Variants in INTS8 observed in about 807,000 individuals in gnomAD.
The protein encoded by INTS8 is protein kaonashi-1.
INTS8 carries 47 observed loss-of-function variants against 138.9 expected under a neutral mutation model. The observed-to-expected ratio is 0.34, with a 90% CI of 0.27 to 0.43. The LOEUF (loss-of-function observed/expected upper bound fraction) is 0.43. INTS8 is among the 20% of genes least tolerant of loss of function. The probability of loss-of-function intolerance (pLI) is 1.00; values close to 1 mark genes in which losing one functional copy is unlikely to be tolerated. For synonymous variants in INTS8, 392 were observed against 400.9 expected (o/e 0.98, Z 0.27); for missense variants, 996 against 1,173.0 (o/e 0.85, Z 2.20).
intron 26 of INTS8, among the ~76,000 whole-genome samples, chr8:94,878,201 G>T (rs1465019170): frequency 6.6e-6 from 1 of 152,108 alleles, no homozygotes; most frequent in East Asian, 1.9e-4. Flanking sequence ...TGCCAAACAA[G>T]TCTCCAACCC....
At chr8:94,831,410 C>A (rs1387651021) in intron 5 of INTS8, among the ~76,000 whole-genome samples, 1 of 151,506 alleles carries the variant, frequency 6.6e-6, no homozygotes, top group Non-Finnish European at 1.5e-5. Flanking sequence ...GAGCCACTGC[C>A]CCTGGCCTAA....
Position 94,867,155 on chromosome 8 carries a change from AC to A in INTS8, c.2312del (p.Thr771IlefsTer8). On this transcript the variant is annotated frameshift_variant, in exon 19 of 27. Coordinates refer to ENST00000523731, the MANE Select transcript of INTS8 (RefSeq NM_017864.4). LOFTEE classifies it high-confidence loss of function. Reference protein sequence around the residue: ...IKKLREPLVLTIILSLFVKLH... With the variant: ...IKKLREPLVLXIILSLFVKLH... ...TTTCTCATAGGAACCACTCGTTTTG[AC>A]TATTATTTTATCACTCTTTGTGAAA... 6.2e-7 allele frequency: 1 copy of A among 1,609,006 alleles called. No individual in the cohort carries two copies. The highest frequency in any genetic ancestry group is 8.5e-7 in the Non-Finnish European group (1 of 1,176,810).
At position 94,881,222 on chromosome 8, in the gene INTS8, A is replaced by T; in HGVS notation, c.*988A>T. 2.7e-6 allele frequency: 1 copy of T among 366,244 alleles called. No individual in the cohort carries two copies. The highest frequency in any genetic ancestry group is 4.0e-5 in the East Asian group (1 of 24,994). The allele number at this position is 366,244 out of a possible 1,614,324, so 22.7% of individuals were successfully genotyped here. On this transcript the variant is annotated 3_prime_UTR_variant, in exon 27 of 27. Transcript: ENST00000523731. The stretch of plus-strand genomic sequence containing the variant: ...AGAGTGTAGGAATTTTGAGAATCTA[A>T]CAACTAGATTCAAAGTACTGTATCA...
chr8:94,865,339 A>G (rs572343665), intron 16 of INTS8, among the ~76,000 whole-genome samples, 167 bp from the exon 17 acceptor site: 26 of 152,224 alleles, frequency 1.7e-4, no homozygotes, highest in Non-Finnish European at 2.9e-4. Flanking sequence ...TCAGTACGCA[A>G]TGAGCCCTAA....
At chr8:94,860,601 A>C (rs1177487758) in intron 16 of INTS8, among the ~76,000 whole-genome samples, 3 of 150,932 alleles carry the variant, frequency 2.0e-5, no homozygotes, top group Admixed American at 1.3e-4. Context: ...AAAAAAAAAA[A>C]AAACCCAAAA....
Position 94,866,340 on chromosome 8 carries a change from T to G in INTS8, c.2295+149T>G, listed in dbSNP as rs1398774778. 3 of 630,978 alleles carry G rather than the reference T, an allele frequency of 4.8e-6. No individual in the cohort carries two copies. The African/African-American group carries it at 5.4e-5, about 11-fold the overall frequency. The allele number at this position is 630,978 out of a possible 1,614,324, so 39.1% of individuals were successfully genotyped here. ...CAGGGTCTTGATCTGTCACCCAAGC[T>G]GGAGTGCTGAGGTGTGATTGTAACT... On this transcript the variant is annotated intron_variant, in intron 18 of 26. Transcript: ENST00000523731.
chr8:94,869,621 T>C (rs1816316241), intron 20 of INTS8, among the ~76,000 whole-genome samples: 1 of 152,066 alleles, frequency 6.6e-6, no homozygotes, highest in African/African-American at 2.4e-5. Flanking sequence ...GCCTCCTGAG[T>C]AGCTGGTGTT....
At chr8:94,875,732 A>G (rs1190866303) in intron 23 of INTS8, among the ~76,000 whole-genome samples, 1 of 152,138 alleles carries the variant, frequency 6.6e-6, no homozygotes, top group Non-Finnish European at 1.5e-5. Flanking sequence ...GAGCGTCTAT[A>G]CTTGCCAGCT....
rs779594257 is a variant in INTS8 at position 94,827,324 on chromosome 8, C to T, written c.367C>T (p.Pro123Ser). ...ACTACTCTGCATCAGTAAAGTTCCTCCTGGGACAAAGCATGTAGACATGGA... is the reference window on the plus strand; with the variant it reads ...ACTACTCTGCATCAGTAAAGTTCCTTCTGGGACAAAGCATGTAGACATGGA... ...NELLCISKVP[P>S]GTKHVDMDLA... The change falls in exon 3 of 27, where the codon CCT becomes TCT. Residue 123 changes from proline to serine, a missense_variant. Coordinates refer to ENST00000523731, the MANE Select transcript of INTS8 (RefSeq NM_017864.4). The T allele has an allele frequency of 6.2e-7, 1 of 1,613,644 alleles. No individual in the cohort carries two copies. Among genetic ancestry groups the T allele is most frequent in the East Asian group, 2.2e-5 (1 of 44,876 alleles).
At chr8:94,861,256 ATTTTTT>A (rs1210530804) in intron 16 of INTS8, among the ~76,000 whole-genome samples, 8 of 57,376 alleles carry the variant, frequency 1.4e-4, no homozygotes, top group South Asian at 7.6e-4. Context: ...CCTTTTTGTA[ATTTTTT>A]TTTTTTTTTT....
At chr8:94,852,474 G>C (rs1815580633) in intron 13 of INTS8, among the ~76,000 whole-genome samples, 1 of 152,076 alleles carries the variant, frequency 6.6e-6, no homozygotes, top group Non-Finnish European at 1.5e-5. Context: ...GAGATACAAG[G>C]GAAGTAATCG....
At chr8:94,834,316 A>C (rs1814840217) in intron 6 of INTS8, among the ~76,000 whole-genome samples, 1 of 151,494 alleles carries the variant, frequency 6.6e-6, no homozygotes, top group African/African-American at 2.4e-5. Context: ...TTTGCCTAGA[A>C]AGGGGAATTA....
intron 5 of INTS8, among the ~76,000 whole-genome samples, chr8:94,830,955 G>A (rs1273321576): frequency 6.6e-6 from 1 of 151,906 alleles, no homozygotes; most frequent in Admixed American, 6.6e-5. Flanking sequence ...GCTCCACCAT[G>A]CCTGGCTAAT....
In INTS8 at chr8:94,862,518, G is replaced by T. The variant is rs144249813; in HGVS notation, c.2076+2886G>T. ...ATGTGTTTGTGTAATGAATGCTTGA[G>T]GGTCTGCAATGTGTAAGGACACAGG... On this transcript the variant is annotated intron_variant, in intron 16 of 26. Coordinates refer to ENST00000523731, the MANE Select transcript of INTS8 (RefSeq NM_017864.4). Among the ~76,000 whole-genome samples the T allele has an allele frequency of 2.4e-3, 368 of 152,334 alleles. 2 individuals carry two copies. The Middle Eastern group carries it at 0.037, about 15-fold the overall frequency.
Position 94,866,167 on chromosome 8 carries a change from G to T in INTS8, c.2271G>T (p.Leu757=), listed in dbSNP as rs1210665991. ...STLGIMYRSE[L]LSFIKKLREP... is the part of the protein sequence containing the mutation. ...AATTTTTGTTTTGTAGGAGTGAACT[G>T]CTTTCTTTTATCAAAAAATTACGAG... Residue 757 remains leucine (L), a synonymous_variant, in exon 18 of 27, where the codon CTG becomes CTT. Coordinates refer to ENST00000523731, the MANE Select transcript of INTS8 (RefSeq NM_017864.4). 7.7e-7 allele frequency: 1 copy of T among 1,295,136 alleles called. No individual in the cohort carries two copies. The highest frequency in any genetic ancestry group is 1.5e-5 in the African/African-American group (1 of 67,774). 80.2% of individuals were successfully genotyped at this position (1,295,136 alleles called of 1,614,324 possible). A position where few individuals can be genotyped will look rare whatever the true frequency, so the allele number is the denominator to read the frequency against.
intron 16 of INTS8, among the ~76,000 whole-genome samples, chr8:94,861,794 G>A (rs953817684): frequency 4.0e-5 from 6 of 151,240 alleles, no homozygotes; most frequent in South Asian, 2.1e-4. Flanking sequence ...CAGGTGATCC[G>A]CCCACCTCGG....
chr8:94,878,110 C>T (rs1816628584), intron 26 of INTS8, among the ~76,000 whole-genome samples: 1 of 152,134 alleles, frequency 6.6e-6, no homozygotes, highest in South Asian at 2.1e-4. Flanking sequence ...AAGCCCTAGC[C>T]CTGCATAAGT....
chr8:94,877,176 CTT>C (rs1816592681), intron 26 of INTS8, among the ~76,000 whole-genome samples: 1 of 152,144 alleles, frequency 6.6e-6, no homozygotes, highest in Non-Finnish European at 1.5e-5. Context: ...TAGATGAACT[CTT>C]TATCTAAATT....
Position 94,865,673 on chromosome 8 carries a change from G to C in INTS8, c.2244G>C (p.Thr748=). The change falls in exon 17 of 27, where the codon ACG becomes ACC. Residue 748 remains threonine (T), a synonymous_variant. Coordinates refer to ENST00000523731, the MANE Select transcript of INTS8 (RefSeq NM_017864.4). ...GTTTAATAAAACAGAGGGAATCTAC[G>C]TTAGGTATCATGTATCGGTATGTAT... The part of the protein sequence containing the change: ...RVSLIKQRES[T]LGIMYRSELL... 6.2e-7 allele frequency: 1 copy of C among 1,613,910 alleles called. No homozygotes were observed. The highest frequency in any genetic ancestry group is 8.5e-7 in the Non-Finnish European group (1 of 1,179,814).
Sources: gnomAD v4.1 joint callset for allele counts (sites outside exome capture counted in the v4.1 genomes callset) on GRCh38, gnomAD v4.1.1 for gene constraint, MANE v1.5 for transcripts, NCBI Gene and HGNC (gene_info 2026-07-23, HGNC 2026-07-21) for gene names.